COQ3: variants seen among roughly 807,000 people sequenced by gnomAD.
The protein encoded by COQ3 is coenzyme Q3, methyltransferase, also known as ubiquinone biosynthesis O-methyltransferase, mitochondrial.
In COQ3, 29 loss-of-function variants were observed where a neutral mutation model predicts 33.1. The observed-to-expected ratio is 0.88, with a 90% CI of 0.65 to 1.19. The LOEUF is 1.19. Ranked by LOEUF, COQ3 falls within the 50% of genes most tolerant of loss-of-function variation. The probability of loss-of-function intolerance (pLI) is 0.00; values close to 1 mark genes in which losing one functional copy is unlikely to be tolerated. For missense variants in COQ3, 437 were observed against 430.7 expected (o/e 1.01, Z -0.13); for synonymous variants, 173 against 157.8 (o/e 1.10, Z -0.72).
chr6:99,377,892 A>G lies in COQ3; in HGVS notation c.387-407T>C, dbSNP rs1273587910. ...CTTAGAAAAAGCAGATGGGAGACCT[A>G]TATTTTCAGAATTTGTCTATATTCC... On this transcript the variant is annotated intron_variant, in intron 3 of 6. Transcript: ENST00000254759. Among the ~76,000 whole-genome samples, 4 of 151,838 alleles carry G rather than the reference A, an allele frequency of 2.6e-5. No individual in the cohort carries two copies. In the East Asian group the frequency reaches 7.7e-4, roughly 29 times the overall value.
Position 99,394,075 on chromosome 6 carries a change from C to T in COQ3, c.105G>A (p.Ala35=), listed in dbSNP as rs755972794. 6.2e-6 allele frequency: 10 copies of T among 1,613,018 alleles called. No individual in the cohort carries two copies. The highest frequency in any genetic ancestry group is 8.5e-6 in the Non-Finnish European group (10 of 1,179,040). Residue 35 remains alanine, a splice_region_variant and synonymous_variant, in exon 1 of 7, where the codon GCG becomes GCA. Coordinates refer to ENST00000254759, the MANE Select transcript of COQ3 (RefSeq NM_017421.4). ...TKAARPLISS[A]VYVKNQLSGT... ...AAGGACCTCCGCACACACACTCACC[C>T]GCCGAGGAAATTAAGGGACGCGCAG...
chr6:99,377,916 C>A (rs774918883), intron 3 of COQ3, among the ~76,000 whole-genome samples: 1 of 151,452 alleles, frequency 6.6e-6, no homozygotes, highest in Non-Finnish European at 1.5e-5. Context: ...TGTCTATATT[C>A]CCTTCAAAAT....
chr6:99,388,914 CA>C (rs1562210307), intron 1 of COQ3, among the ~76,000 whole-genome samples: 64 of 150,154 alleles, frequency 4.3e-4, no homozygotes, highest in African/African-American at 1.5e-3. Context: ...CACACACACA[CA>C]CACACACACA....
rs538821848 is a variant in COQ3, at chr6:99,369,785, A to G, written c.925T>C (p.Tyr309His). The G allele has an allele frequency of 1.2e-6, 2 of 1,612,398 alleles. No individual in the cohort carries two copies. Among genetic ancestry groups the G allele is most frequent in the Middle Eastern group, 1.7e-4 (1 of 5,956 alleles). Residue 309 changes from tyrosine to histidine, a missense_variant, in exon 7 of 7, where the codon TAT (tyrosine) becomes CAT (histidine). By Grantham distance (83) the Tyr-to-His change is moderately conservative. Transcript: ENST00000254759. ...TGCCAGTAACCTGAGAAGGGGTTATAGAGCATTCCTACCACTGTTTGAACT... is the reference window on the plus strand; with the variant it reads ...TGCCAGTAACCTGAGAAGGGGTTATGGAGCATTCCTACCACTGTTTGAACT... ...LSVQTVVGML[Y>H]NPFSGYWHWS...
At chr6:99,370,322 TTTC>T in intron 6 of COQ3, among the ~76,000 whole-genome samples, 1 of 148,962 alleles carries the variant, frequency 6.7e-6, no homozygotes, top group African/African-American at 2.5e-5. Context: ...CTTTCTTTTC[TTTC>T]TTTCTTTTCT....
intron 2 of COQ3, chr6:99,383,237 TTCAA>T (rs1331747718): frequency 1.3e-5 from 2 of 152,240 alleles, no homozygotes; most frequent in Non-Finnish European, 2.9e-5. Flanking sequence ...AGATATTACC[TTCAA>T]TCAATTTTGC....
At chr6:99,382,156 T>C (rs1044648441) in intron 2 of COQ3, among the ~76,000 whole-genome samples, 3 of 152,168 alleles carry the variant, frequency 2.0e-5, no homozygotes, top group African/African-American at 4.8e-5. Flanking sequence ...TCCTGGAACA[T>C]GGTGCTCAGG....
At chr6:99,386,808 C>A (rs554979912) in intron 1 of COQ3, among the ~76,000 whole-genome samples, 6 of 152,192 alleles carry the variant, frequency 3.9e-5, no homozygotes, top group South Asian at 2.1e-4. Context: ...GCCTGAAAAA[C>A]AAATCTCCAG....
chr6:99,394,122 G>A lies in COQ3; in HGVS notation c.58C>T (p.Pro20Ser), dbSNP rs1268864796. Residue 20 changes from proline to serine, a missense_variant, in exon 1 of 7, where the codon CCT becomes TCT. By Grantham distance (74) the Pro-to-Ser change is moderately conservative. Coordinates refer to ENST00000254759, the MANE Select transcript of COQ3 (RefSeq NM_017421.4). ...GCAGCTTTTGTATTACAGCCTCCAG[G>A]CCCCAGCACTCTTAAAAACCAACCC... is the stretch of plus-strand genomic sequence containing the variant. ...SGGWFLRVLG[P>S]GGCNTKAARP... 6.2e-7 allele frequency: 1 copy of A among 1,612,246 alleles called. No homozygotes were observed. Among genetic ancestry groups the A allele is most frequent in the Non-Finnish European group, 8.5e-7 (1 of 1,179,266 alleles).
At chr6:99,388,506 C>CTT (rs11375800) in intron 1 of COQ3, among the ~76,000 whole-genome samples, 20,340 of 149,586 alleles carry the variant, frequency 0.14, 1,782 homozygotes, top group Non-Finnish European at 0.18. Flanking sequence ...TCTCAATAGC[C>CTT]TTTTTTTTTT....
At chr6:99,370,344 C>CTTTTTTTTTT in intron 6 of COQ3, among the ~76,000 whole-genome samples, 34 of 101,202 alleles carry the variant, frequency 3.4e-4, no homozygotes, top group South Asian at 6.8e-4. Context: ...CTTTTCTTTA[C>CTTTTTTTTTT]TTTTTTTTTT....
chr6:99,373,571 T>C (rs1467753992), intron 5 of COQ3, among the ~76,000 whole-genome samples: 2 of 152,180 alleles, frequency 1.3e-5, no homozygotes, highest in Non-Finnish European at 2.9e-5. Flanking sequence ...AACCCTACAA[T>C]GCCAGCATCC....
intron 5 of COQ3, among the ~76,000 whole-genome samples, chr6:99,375,048 C>A (rs1354270909): frequency 1.3e-5 from 2 of 150,436 alleles, no homozygotes; most frequent in South Asian, 2.1e-4. Flanking sequence ...CGGCTCACTG[C>A]AACCTCTGCC....
chr6:99,391,441 C>T (rs1277539897), intron 1 of COQ3, among the ~76,000 whole-genome samples: 1 of 152,024 alleles, frequency 6.6e-6, no homozygotes, highest in Non-Finnish European at 1.5e-5. Context: ...TCTGGACTAC[C>T]TTTTAAGACC....
At chr6:99,369,878 C>A in intron 6 of COQ3, 58 bp from the exon 7 acceptor site, 1 of 1,154,834 alleles carries the variant, frequency 8.7e-7, no homozygotes, top group Non-Finnish European at 1.3e-6. Flanking sequence ...TTCCAATTTC[C>A]AAGAGTTTCA....
chr6:99,371,898 T>C (rs959488708), intron 5 of COQ3, among the ~76,000 whole-genome samples: 9 of 152,282 alleles, frequency 5.9e-5, no homozygotes, highest in East Asian at 5.8e-4. Flanking sequence ...AAAAATGAGA[T>C]CAGGCTGCTC....
chr6:99,374,044 A>G (rs1318819060), intron 5 of COQ3, among the ~76,000 whole-genome samples: 3 of 151,772 alleles, frequency 2.0e-5, no homozygotes, highest in Non-Finnish European at 4.4e-5. Context: ...GTCACAGATT[A>G]AAGAAGACTA....
intron 1 of COQ3, among the ~76,000 whole-genome samples, chr6:99,393,433 G>A (rs1017902773): frequency 2.6e-5 from 4 of 152,082 alleles, no homozygotes; most frequent in Non-Finnish European, 5.9e-5. Context: ...GATCCTTGCG[G>A]TGTCATTCAT....
At chr6:99,374,851 C>T (rs1180709525) in intron 5 of COQ3, among the ~76,000 whole-genome samples, 1 of 152,130 alleles carries the variant, frequency 6.6e-6, no homozygotes, top group East Asian at 1.9e-4. Context: ...AGTGAGATCA[C>T]ATTTATGAAA....
Sources: gnomAD v4.1 joint callset for allele counts (sites outside exome capture counted in the v4.1 genomes callset) on GRCh38, gnomAD v4.1.1 for gene constraint, MANE v1.5 for transcripts, NCBI Gene and HGNC (gene_info 2026-07-23, HGNC 2026-07-21) for gene names.